The following SHLD3 variants were observed in gnomAD, a reference collection of about 807,000 sequenced individuals.
SHLD3 encodes REV7-interacting novel NHEJ regulator 1.
SHLD3 carries 15 observed loss-of-function variants against 21.4 expected under a neutral mutation model. That is an observed-to-expected ratio of 0.70 (90% CI 0.47 to 1.08). The LOEUF (loss-of-function observed/expected upper bound fraction) is 1.08, where lower values mean the gene tolerates loss of function less well. SHLD3 is among the 50% of genes least tolerant of loss of function. The pLI is 0.00. For synonymous variants in SHLD3, 103 were observed against 97.2 expected (o/e 1.06, Z -0.35); for missense variants, 273 against 286.1 (o/e 0.95, Z 0.33).
At chr5:65,625,207 G>A (rs1755153338) in intron 1 of SHLD3, 101 bp downstream of exon 1, 2 of 1,013,208 alleles carry the variant, frequency 2.0e-6, no homozygotes, top group Non-Finnish European at 3.1e-6. Flanking sequence ...AACACTCAGT[G>A]CTCGCCCTCC....
At chr5:65,625,183 C>A in intron 1 of SHLD3, 77 bp downstream of exon 1, 2 of 1,235,066 alleles carry the variant, frequency 1.6e-6, no homozygotes, top group Non-Finnish European at 2.4e-6. Context: ...GCCATGTAGG[C>A]CTCATCCTTC....
Position 65,630,565 on chromosome 5 carries a change from T to G in SHLD3, c.*225T>G. The G allele has an allele frequency of 8.4e-7, 1 of 1,197,516 alleles. No homozygotes were observed. The highest frequency in any genetic ancestry group is 3.8e-5 in the East Asian group (1 of 26,104). 74.2% of individuals were successfully genotyped at this position (1,197,516 alleles called of 1,614,324 possible). The stretch of plus-strand genomic sequence containing the variant: ...TGAAGGTAAAAATGTTCTGTTCCTT[T>G]TGTTACAAACTGTGATTGAATTAGT... On this transcript the variant is annotated 3_prime_UTR_variant, in exon 2 of 2. Transcript: ENST00000510585.
rs1189699821 is a variant in SHLD3 at position 65,625,062 on chromosome 5, T to G, written c.-165T>G. On this transcript the variant is annotated 5_prime_UTR_variant, in exon 1 of 2. It removes an upstream start codon present in the reference 5' UTR. Transcript: ENST00000510585. ...TGTGGGTCAAAAGTGCCGGTCAAAA[T>G]GGAAGTGAATCCCCCTAAACAGGAG... 1.9e-6 allele frequency: 3 copies of G among 1,613,596 alleles called. No individual in the cohort carries two copies. Among genetic ancestry groups the G allele is most frequent in the African/African-American group, 1.3e-5 (1 of 74,892 alleles).
At chr5:65,629,365 A>T in intron 1 of SHLD3, 103 bp from the exon 2 acceptor site, 1 of 811,978 alleles carries the variant, frequency 1.2e-6, no homozygotes, top group Non-Finnish European at 1.7e-6. Context: ...GTAAAATACC[A>T]CATTGGGATT....
chr5:65,629,910 T>G lies in SHLD3; in HGVS notation c.323T>G (p.Leu108Arg). The change falls in exon 2 of 2, where the codon CTG (leucine) becomes CGG (arginine). Residue 108 changes from leucine (L) to arginine (R), a missense_variant. By Grantham distance (102) the Leu-to-Arg change is moderately radical (BLOSUM62 -2). Coordinates refer to ENST00000510585, the MANE Select transcript of SHLD3 (RefSeq NM_001365341.2). The part of the protein sequence containing the change: ...KKQHLTWSHT[L>R]KEQTNSGNLG... ...CAGCATTTAACCTGGTCACACACAC[T>G]GAAGGAACAGACTAATTCTGGAAAT... 1 of 1,536,038 alleles carries G rather than the reference T, an allele frequency of 6.5e-7. No homozygotes were observed. Among genetic ancestry groups the G allele is most frequent in the Non-Finnish European group, 8.7e-7 (1 of 1,146,888 alleles).
chr5:65,629,902 A>T lies in SHLD3; in HGVS notation c.315A>T (p.Ser105=). Residue 105 remains serine (S), a synonymous_variant, in exon 2 of 2, where the codon TCA becomes TCT. Coordinates refer to ENST00000510585, the MANE Select transcript of SHLD3 (RefSeq NM_001365341.2). ...PSLKKQHLTW[S]HTLKEQTNSG... is the part of the protein sequence containing the mutation. ...TGAAAAAGCAGCATTTAACCTGGTC[A>T]CACACACTGAAGGAACAGACTAATT... 2 of 1,536,068 alleles carry T rather than the reference A, an allele frequency of 1.3e-6. No individual in the cohort carries two copies. The highest frequency in any genetic ancestry group is 1.7e-6 in the Non-Finnish European group (2 of 1,146,846).
Position 65,629,703 on chromosome 5 carries a change from TA to T in SHLD3, c.117del (p.Pro40LeufsTer20), listed in dbSNP as rs1294956668. 6.5e-7 allele frequency: 1 copy of T among 1,536,094 alleles called. No homozygotes were observed. Among genetic ancestry groups the T allele is most frequent in the Admixed American group, 2.0e-5 (1 of 50,998 alleles). On this transcript the variant is annotated frameshift_variant, in exon 2 of 2. Coordinates refer to ENST00000510585, the MANE Select transcript of SHLD3 (RefSeq NM_001365341.2). LOFTEE classifies it high-confidence loss of function. ...CCTACTCGTCCGCTATCAAGATTTA[TA>T]CCTTGGTTTCCATATGATGGGTCCA... is the stretch of plus-strand genomic sequence containing the variant. ...DFPTRPLSRFIPWFPYDGSKL... is the reference protein window; with the variant it reads ...DFPTRPLSRFXPWFPYDGSKL...
intron 1 of SHLD3, 120 bp downstream of exon 1, chr5:65,625,226 C>T (rs1254625207): frequency 2.3e-6 from 2 of 862,222 alleles, no homozygotes; most frequent in African/African-American, 3.4e-5. Context: ...CCTGCTCTGT[C>T]CTTTGCCGCC....
Position 65,625,107 on chromosome 5 carries a change from G to A in SHLD3, c.-121+1G>A, listed in dbSNP as rs867585190. The A allele has an allele frequency of 1.2e-6, 2 of 1,613,252 alleles. No individual in the cohort carries two copies. Among genetic ancestry groups the A allele is most frequent in the Non-Finnish European group, 1.7e-6 (2 of 1,179,226 alleles). On this transcript the variant is annotated splice_donor_variant, in intron 1 of 1. Transcript: ENST00000510585. LOFTEE classifies it low-confidence loss of function (5UTR_SPLICE). ...CAGGAGCACCTGCTGGCGCTAAAAG[G>A]TAAACTTTTGCGAACCTGATTCCCC...
chr5:65,627,692 C>T (rs1287093380), intron 1 of SHLD3, among the ~76,000 whole-genome samples: 1 of 151,770 alleles, frequency 6.6e-6, no homozygotes, highest in Non-Finnish European at 1.5e-5. Flanking sequence ...GAGAATTTCT[C>T]AGTGCCATAT....
rs1366664082 is a variant in SHLD3 at position 65,630,217 on chromosome 5, A to G, written c.630A>G (p.Gln210=). The G allele has an allele frequency of 1.4e-5, 21 of 1,535,868 alleles. No individual in the cohort carries two copies. Among genetic ancestry groups the G allele is most frequent in the Non-Finnish European group, 1.8e-5 (21 of 1,146,830 alleles). The change falls in exon 2 of 2, where the codon CAA becomes CAG. Residue 210 remains glutamine (Q), a synonymous_variant. Coordinates refer to ENST00000510585, the MANE Select transcript of SHLD3 (RefSeq NM_001365341.2). ...CTACAATTCAGAGGCATTTAGGCCA[A>G]ATATGGGTGTTCTGTGATATTATGT... The part of the protein sequence containing the change: ...CNATIQRHLG[Q]IWVFCDIMYC...
intron 1 of SHLD3, chr5:65,625,627 A>G (rs577013287): frequency 6.6e-6 from 1 of 152,580 alleles, no homozygotes; most frequent in African/African-American, 2.4e-5. Flanking sequence ...TCCGAGATCT[A>G]ATGTCAACTC....
At chr5:65,627,625 C>CAAAAAAAAAAA (rs77913020) in intron 1 of SHLD3, among the ~76,000 whole-genome samples, 1 of 120,410 alleles carries the variant, frequency 8.3e-6, no homozygotes. Context: ...GACTCTGTCT[C>CAAAAAAAAAAA]AAAAAAAAAA....
At chr5:65,628,285 A>G (rs1169050083) in intron 1 of SHLD3, among the ~76,000 whole-genome samples, 2 of 152,190 alleles carry the variant, frequency 1.3e-5, no homozygotes, top group Non-Finnish European at 2.9e-5. Context: ...TGGGGTCTCC[A>G]TACTGTTTAA....
rs1422095662 is a variant in SHLD3 at position 65,630,209 on chromosome 5, T to G, written c.622T>G (p.Leu208Val). 2.6e-6 allele frequency: 4 copies of G among 1,535,950 alleles called. No individual in the cohort carries two copies. In the East Asian group the frequency reaches 7.3e-5, roughly 28 times the overall value. ...TTGTAATGCTACAATTCAGAGGCATTTAGGCCAAATATGGGTGTTCTGTGA... is the reference window on the plus strand; with the variant it reads ...TTGTAATGCTACAATTCAGAGGCATGTAGGCCAAATATGGGTGTTCTGTGA... ...PSCNATIQRH[L>V]GQIWVFCDIM... The change falls in exon 2 of 2, where the codon TTA becomes GTA. Residue 208 changes from leucine (L) to valine (V), a missense_variant. By Grantham distance (32) the Leu-to-Val change is conservative. Transcript: ENST00000510585.
intron 1 of SHLD3, among the ~76,000 whole-genome samples, chr5:65,629,239 T>C (rs1755410296): frequency 6.6e-6 from 1 of 152,190 alleles, no homozygotes; most frequent in African/African-American, 2.4e-5. Context: ...TGTTGACTAC[T>C]AGCGTTTTTA....
intron 1 of SHLD3, among the ~76,000 whole-genome samples, chr5:65,629,031 TAGA>T: frequency 6.6e-6 from 1 of 152,232 alleles, no homozygotes; most frequent in Admixed American, 6.5e-5. Flanking sequence ...CATGTTGGAT[TAGA>T]ATTTACAGTG....
intron 1 of SHLD3, among the ~76,000 whole-genome samples, chr5:65,628,690 T>G (rs1755368519): frequency 6.6e-6 from 1 of 151,970 alleles, no homozygotes; most frequent in African/African-American, 2.4e-5. Context: ...CAGGCTGGTC[T>G]CAAGCTCCTG....
chr5:65,629,401 T>C, intron 1 of SHLD3, 67 bp from the exon 2 acceptor site: 1 of 1,226,300 alleles, frequency 8.2e-7, no homozygotes, highest in South Asian at 2.9e-5. Context: ...TTTTTCCTTT[T>C]CTCCCTGCCT....
Sources: allele counts gnomAD v4.1 joint callset (sites outside exome capture counted in the v4.1 genomes callset), GRCh38; gene constraint gnomAD v4.1.1; transcripts MANE v1.5; gene names NCBI Gene and HGNC (gene_info 2026-07-23, HGNC 2026-07-21).